The following MYH14 variants were observed in gnomAD, a reference collection of about 807,000 sequenced individuals.
The protein encoded by MYH14 is myosin-14.
MYH14 carries 123 observed loss-of-function variants against 255.5 expected under a neutral mutation model. That is an observed-to-expected ratio of 0.48 (90% confidence interval 0.42 to 0.56). MYH14 has a LOEUF of 0.56. Among genes scored for constraint, MYH14 ranks in the 20% least tolerant of loss-of-function variants. The probability of loss-of-function intolerance (pLI) is 0.00; values close to 1 mark genes in which losing one functional copy is unlikely to be tolerated. For missense variants in MYH14, 2,423 were observed against 2,802.3 expected, an observed-to-expected ratio of 0.86 and a Z score of 3.06; for synonymous variants, 1,095 against 1,161.2, an observed-to-expected ratio of 0.94 and a Z score of 1.16.
intron 30 of MYH14, among the ~76,000 whole-genome samples, chr19:50,279,157 C>T (rs1380452395): frequency 1.3e-5 from 2 of 152,216 alleles, no homozygotes; most frequent in African/African-American, 2.4e-5. Context: ...TCCCCCACCC[C>T]ACCCAGGGAA....
At position 50,224,039 on chromosome 19, in the gene MYH14, T is replaced by TCCCCCTTCCCCCCCC; in HGVS notation, c.694-103_694-102insCCCCCCCCTTCCCCC. Reference sequence around the variant, plus strand: ...TACTCCACATGCCCGGTTTCCCCAGTCCCCCTTCCCCCACCCCCCATGCCA... The same window carrying TCCCCCTTCCCCCCCC: ...TACTCCACATGCCCGGTTTCCCCAGTCCCCCTTCCCCCCCCCCCCCTTCCCCCACCCCCCATGCCA... On this transcript the variant is annotated intron_variant, in intron 5 of 42. Transcript: ENST00000642316. The TCCCCCTTCCCCCCCC allele has an allele frequency of 1.7e-5, 7 of 415,096 alleles. 1 individual carries two copies. The highest frequency in any genetic ancestry group is 2.2e-5 in the Non-Finnish European group (5 of 231,528). 25.7% of individuals were successfully genotyped at this position (415,096 alleles called of 1,614,324 possible).
chr19:50,212,253 T>C (rs2032237640), intron 2 of MYH14, among the ~76,000 whole-genome samples: 2 of 152,188 alleles, frequency 1.3e-5, no homozygotes, highest in Non-Finnish European at 2.9e-5. Context: ...TGAACATTGG[T>C]ATTTTTAATA....
At chr19:50,247,790 G>T (rs2034189937) in intron 12 of MYH14, among the ~76,000 whole-genome samples, 1 of 152,044 alleles carries the variant, frequency 6.6e-6, no homozygotes, top group African/African-American at 2.4e-5. Flanking sequence ...GTGAGGCCGG[G>T]TGTGGGGGCT....
intron 13 of MYH14, chr19:50,249,368 T>G: frequency 1.6e-6 from 1 of 632,582 alleles, no homozygotes. Flanking sequence ...TCTCTGGGTC[T>G]CTGTCCCCCT....
chr19:50,268,279 T>A lies in MYH14; in HGVS notation c.2945T>A (p.Val982Glu). Residue 982 changes from valine (V) to glutamate (E), a missense_variant, in exon 24 of 43, where the codon GTG becomes GAG. Around this residue, in one of 3 missense-constraint regions of MYH14, gnomAD observed 1,513 missense variants for 1,674.8 expected, o/e 0.90. Coordinates refer to ENST00000642316, the MANE Select transcript of MYH14 (RefSeq NM_001145809.2). The part of the protein sequence containing the change: ...AARKQELELV[V>E]SELEARVGEE... ...CGCAAGCAGGAGCTGGAGCTGGTGG[T>A]GTCAGAGCTGGAGGCTCGCGTGGGC... The A allele has an allele frequency of 6.3e-7, 1 of 1,583,794 alleles. No homozygotes were observed. The highest frequency in any genetic ancestry group is 1.8e-5 in the Admixed American group (1 of 55,698).
At chr19:50,302,090 G>A (rs2036502600) in intron 40 of MYH14, among the ~76,000 whole-genome samples, 1 of 136,482 alleles carries the variant, frequency 7.3e-6, no homozygotes, top group Non-Finnish European at 1.5e-5. Flanking sequence ...ACCAGTCTGG[G>A]CAACATAGCA....
At chr19:50,246,971 T>G in intron 11 of MYH14, 33 bp from the exon 12 acceptor site, 1 of 1,501,426 alleles carries the variant, frequency 6.7e-7, no homozygotes, top group South Asian at 1.2e-5. Flanking sequence ...CTCTTCCCAG[T>G]GCTGATGGAA....
At chr19:50,234,073 G>A (rs2033545487) in intron 10 of MYH14, among the ~76,000 whole-genome samples, 2 of 151,872 alleles carry the variant, frequency 1.3e-5, no homozygotes, top group Non-Finnish European at 1.5e-5. Flanking sequence ...TCCCGCCTCC[G>A]CCTCCCAAAG....
intron 24 of MYH14, among the ~76,000 whole-genome samples, chr19:50,268,942 C>G (rs1285327477): frequency 6.6e-6 from 1 of 152,198 alleles, no homozygotes; most frequent in African/African-American, 2.4e-5. Flanking sequence ...CACTACAGCA[C>G]ATCTCAATTC....
Position 50,221,798 on chromosome 19 carries a change from T to C in MYH14, c.563-1285T>C, listed in dbSNP as rs1458157066. ...AGCCTAATCGCTGCTTTAAAACCCA[T>C]CCCACCACTCGCCATCTCTGCCCTA... is the stretch of plus-strand genomic sequence containing the variant. On this transcript the variant is annotated intron_variant, in intron 3 of 42. Transcript: ENST00000642316. This position sits in a 1 kb window ranked among gnomAD's most constrained non-coding sequence, Gnocchi z 5.3. 1.3e-5 allele frequency among the ~76,000 whole-genome samples: 2 copies of C among 152,004 alleles called. No individual in the cohort carries two copies. Among genetic ancestry groups the C allele is most frequent in the Non-Finnish European group, 2.9e-5 (2 of 67,992 alleles).
rs1317655526 is a variant in MYH14, at chr19:50,289,490, C to T, written c.4807C>T (p.Arg1603Ter). The change falls in exon 35 of 43, where the codon CGA becomes TGA. Residue 1603 changes from arginine to a stop codon, truncating the protein, a stop_gained. Coordinates refer to ENST00000642316, the MANE Select transcript of MYH14 (RefSeq NM_001145809.2). LOFTEE classifies it high-confidence loss of function. ...RVAEQAANDL[R>*]AQVTELEDEL... ...AGCAGAACAGGCAGCCAATGATCTG[C>T]GAGCACAGGTGACAGAACTGGAGGA... 4 of 1,612,806 alleles carry T rather than the reference C, an allele frequency of 2.5e-6. No homozygotes were observed. Among genetic ancestry groups the T allele is most frequent in the Non-Finnish European group, 3.4e-6 (4 of 1,179,586 alleles).
intron 2 of MYH14, among the ~76,000 whole-genome samples, chr19:50,212,011 A>G (rs531977568): frequency 6.6e-6 from 1 of 151,986 alleles, no homozygotes; most frequent in Non-Finnish European, 1.5e-5. Context: ...CAATACAAAA[A>G]CCCATTGAGA....
intron 21 of MYH14, among the ~76,000 whole-genome samples, chr19:50,262,966 G>A (rs1445441323): frequency 6.7e-6 from 1 of 148,914 alleles, no homozygotes; most frequent in Non-Finnish European, 1.5e-5. Context: ...TTGGGAGGCC[G>A]AGGTGAGTAG....
rs562423876 is a variant in MYH14, at chr19:50,260,666, A to G, written c.2375A>G (p.Asn792Ser). 46 of 1,613,092 alleles carry G rather than the reference A, an allele frequency of 2.9e-5. No individual in the cohort carries two copies. Among genetic ancestry groups the G allele is most frequent in the Non-Finnish European group, 3.4e-5 (40 of 1,179,552 alleles). ...TGCAGATACGAGATCCTGACACCCA[A>G]TGCCATCCCCAAGGGCTTCATGGAT... is the stretch of plus-strand genomic sequence containing the variant. The part of the protein sequence containing the change: ...FRQRYEILTP[N>S]AIPKGFMDGK... The change falls in exon 20 of 43, where the codon AAT becomes AGT. Residue 792 changes from asparagine (N) to serine (S), a missense_variant. This residue lies in a region of MYH14 where 672 missense variants were observed against 881.8 expected (regional missense o/e 0.76). Transcript: ENST00000642316.
chr19:50,261,555 G>A lies in MYH14; in HGVS notation c.2505G>A (p.Gln835=), dbSNP rs781160513. 6.3e-7 allele frequency: 1 copy of A among 1,598,806 alleles called. No individual in the cohort carries two copies. Among genetic ancestry groups the A allele is most frequent in the East Asian group, 2.3e-5 (1 of 43,744 alleles). The change falls in exon 21 of 43, where the codon CAG becomes CAA. Residue 835 remains glutamine (Q), a synonymous_variant. Transcript: ENST00000642316. ...KIFFRAGVLA[Q]LEEERDLKVT... ...TCTTCCGGGCTGGGGTCCTGGCCCA[G>A]CTGGAAGAGGAGCGAGACCTGAAGG...
chr19:50,210,388 T>G lies in MYH14; in HGVS notation c.23T>G (p.Val8Gly). MAAVTMSVPGRKAPPRPG... is the reference protein window; with the variant it reads MAAVTMSGPGRKAPPRPG... ...ACCATGGCAGCCGTGACCATGTCGG[T>G]GCCCGGGCGGAAGGCGCCCCCCAGG... Residue 8 changes from valine to glycine, a missense_variant, in exon 2 of 43, where the codon GTG (valine) becomes GGG (glycine). Transcript: ENST00000642316. 1.3e-6 allele frequency: 2 copies of G among 1,585,706 alleles called. No homozygotes were observed. Among genetic ancestry groups the G allele is most frequent in the Non-Finnish European group, 1.7e-6 (2 of 1,167,590 alleles).
chr19:50,260,755 G>GTA, intron 20 of MYH14, 40 bp downstream of exon 20: 1 of 1,471,790 alleles, frequency 6.8e-7, no homozygotes, highest in East Asian at 2.3e-5. Context: ...GTGCGTGTGT[G>GTA]TGTGTGCGTG....
chr19:50,221,720 G>A lies in MYH14; in HGVS notation c.563-1363G>A, dbSNP rs150212711. ...TTGAACTCCTGACTTCGGGTGATCT[G>A]CTGGCCTCGGCCTCCCAAAGTGCTG... On this transcript the variant is annotated intron_variant, in intron 3 of 42. Coordinates refer to ENST00000642316, the MANE Select transcript of MYH14 (RefSeq NM_001145809.2). This position sits in a 1 kb window ranked among gnomAD's most constrained non-coding sequence, Gnocchi z 5.3. 0.5 allele frequency among the ~76,000 whole-genome samples: 76,011 copies of A among 151,576 alleles called. 21,775 individuals are homozygous for A. The highest frequency in any genetic ancestry group is 0.64 in the Non-Finnish European group (43,255 of 67,752).
rs1407633430 is a variant in MYH14 at position 50,280,073 on chromosome 19, G to A, written c.4069G>A (p.Ala1357Thr). The change falls in exon 31 of 43, where the codon GCT becomes ACT. Residue 1357 changes from alanine to threonine, a missense_variant. Around this residue, in one of 3 missense-constraint regions of MYH14, gnomAD observed 1,513 missense variants for 1,674.8 expected, o/e 0.90. Coordinates refer to ENST00000642316, the MANE Select transcript of MYH14 (RefSeq NM_001145809.2). This position sits in a 1 kb window ranked among gnomAD's most constrained non-coding sequence, Gnocchi z 4.8. ...GAATGTGTCTGGGGCGCTGAACGAG[G>A]CTGAGTCCAAAACCATCCGTCTTAG... is the stretch of plus-strand genomic sequence containing the variant. ...LENVSGALNE[A>T]ESKTIRLSKE... 1.9e-6 allele frequency: 3 copies of A among 1,610,768 alleles called. No homozygotes were observed. Among genetic ancestry groups the A allele is most frequent in the Non-Finnish European group, 1.7e-6 (2 of 1,178,602 alleles).
Sources: allele counts gnomAD v4.1 joint callset (sites outside exome capture counted in the v4.1 genomes callset), GRCh38; gene constraint gnomAD v4.1.1; regional missense constraint gnomAD v4.1.1; non-coding constraint Gnocchi (gnomAD v3.1); transcripts MANE v1.5; gene names NCBI Gene and HGNC (gene_info 2026-07-23, HGNC 2026-07-21).